Variants in DCC observed in about 807,000 individuals in gnomAD.
DCC encodes the protein DCC netrin 1 receptor.
Under a neutral mutation model 172.5 loss-of-function variants are expected in DCC, and 58 were observed. The observed-to-expected ratio is 0.34, with a 90% CI of 0.27 to 0.42. The LOEUF (loss-of-function observed/expected upper bound fraction) is 0.42. Ranked by LOEUF, DCC falls within the 10% of genes least tolerant of loss-of-function variation. The probability of loss-of-function intolerance (pLI) is 1.00; values close to 1 mark genes in which losing one functional copy is unlikely to be tolerated. For missense variants in DCC, 1,740 were observed against 1,791.0 expected (o/e 0.97, Z 0.51); for synonymous variants, 709 against 644.5 (o/e 1.10, Z -1.52).
At chr18:53,093,057 A>G (rs2043036750) in intron 7 of DCC, among the ~76,000 whole-genome samples, 1 of 152,184 alleles carries the variant, frequency 6.6e-6, no homozygotes. Flanking sequence ...GATCACAGGC[A>G]GATGACTTGA....
chr18:53,411,671 G>C (rs949009707), intron 20 of DCC, among the ~76,000 whole-genome samples: 2 of 152,066 alleles, frequency 1.3e-5, no homozygotes, highest in Non-Finnish European at 2.9e-5. Flanking sequence ...TCAAAAGCTG[G>C]GTTTTGGTAG....
At chr18:52,688,232 G>T (rs2035873113) in intron 1 of DCC, among the ~76,000 whole-genome samples, 1 of 150,384 alleles carries the variant, frequency 6.6e-6, no homozygotes, top group Admixed American at 6.6e-5. Flanking sequence ...GTGTAGATGT[G>T]CTGTAGGCAC....
At position 52,835,625 on chromosome 18, in the gene DCC, A is replaced by C. The variant is rs535929628; in HGVS notation, c.413-70419A>C. ...AAAGAATCTTCACTTTAGCAAATTG[A>C]AATGGCTTCAGAGTAAATTCACTTA... is the stretch of plus-strand genomic sequence containing the variant. On this transcript the variant is annotated intron_variant, in intron 2 of 28. Coordinates refer to ENST00000442544, the MANE Select transcript of DCC (RefSeq NM_005215.4). 2.1e-3 allele frequency among the ~76,000 whole-genome samples: 325 copies of C among 152,336 alleles called. 2 individuals are homozygous for C. Among genetic ancestry groups the C allele is most frequent in the African/African-American group, 7.4e-3 (309 of 41,594 alleles).
intron 15 of DCC, among the ~76,000 whole-genome samples, chr18:53,351,476 A>ATACAGTG: frequency 4.4e-5 from 3 of 67,500 alleles, no homozygotes; most frequent in Admixed American, 1.5e-4. Flanking sequence ...GTATATATAT[A>ATACAGTG]TATATATATA....
intron 2 of DCC, among the ~76,000 whole-genome samples, chr18:52,880,847 T>C (rs2039475164): frequency 1.3e-5 from 2 of 152,294 alleles, no homozygotes; most frequent in African/African-American, 2.4e-5. Context: ...CTCTTTGTTA[T>C]ATTGATTTCC....
At chr18:52,629,629 A>G (rs2034636433) in intron 1 of DCC, among the ~76,000 whole-genome samples, 1 of 152,160 alleles carries the variant, frequency 6.6e-6, no homozygotes, top group Admixed American at 6.5e-5. Flanking sequence ...AGCCTGCCCA[A>G]TATGGTGAAA....
chr18:53,449,060 T>C (rs746931632), intron 22 of DCC, among the ~76,000 whole-genome samples: 1 of 152,230 alleles, frequency 6.6e-6, no homozygotes. Flanking sequence ...TTACATTCTT[T>C]ATACAGATGG....
chr18:53,494,324 T>C (rs1238317554), intron 26 of DCC, among the ~76,000 whole-genome samples: 1 of 151,352 alleles, frequency 6.6e-6, no homozygotes, highest in East Asian at 1.9e-4. Context: ...GAGGGTTGTG[T>C]GGGTGTCTGT....
chr18:52,488,928 A>G (rs1230247628), intron 1 of DCC, among the ~76,000 whole-genome samples: 2 of 152,070 alleles, frequency 1.3e-5, no homozygotes, highest in Admixed American at 6.6e-5. Context: ...ACATAACTTC[A>G]ACAAACCACC....
intron 18 of DCC, among the ~76,000 whole-genome samples, chr18:53,399,253 A>G (rs1301189745): frequency 6.6e-6 from 1 of 152,112 alleles, no homozygotes; most frequent in Non-Finnish European, 1.5e-5. Context: ...TACCATAGTA[A>G]TTATTTGACT....
At chr18:53,064,676 T>G (rs945665601) in intron 6 of DCC, among the ~76,000 whole-genome samples, 22 of 152,200 alleles carry the variant, frequency 1.4e-4, no homozygotes, top group African/African-American at 5.1e-4. Context: ...TACCACTTAT[T>G]ATTTTTCACT....
At chr18:53,281,936 C>T (rs1480956758) in intron 12 of DCC, among the ~76,000 whole-genome samples, 1 of 152,040 alleles carries the variant, frequency 6.6e-6, no homozygotes, top group Non-Finnish European at 1.5e-5. Context: ...AGTGAGAGAT[C>T]TTGGAGAATT....
chr18:53,510,228 C>T (rs2144525785), intron 27 of DCC, among the ~76,000 whole-genome samples: 1 of 152,224 alleles, frequency 6.6e-6, no homozygotes, highest in South Asian at 2.1e-4. Flanking sequence ...CACACATTTC[C>T]CCAAACATGA....
At chr18:52,367,945 TGTTTGGAGGG>T (rs1984952064) in intron 1 of DCC, among the ~76,000 whole-genome samples, 1 of 152,198 alleles carries the variant, frequency 6.6e-6, no homozygotes, top group South Asian at 2.1e-4. Flanking sequence ...GCTTCCTTTT[TGTTTGGAGGG>T]GTTGTTCCAG....
chr18:53,145,042 C>T (rs1221094032), intron 7 of DCC, among the ~76,000 whole-genome samples: 1 of 151,242 alleles, frequency 6.6e-6, no homozygotes, highest in East Asian at 1.9e-4. Flanking sequence ...GAAACTTAAT[C>T]CCCATTGTGG....
intron 5 of DCC, among the ~76,000 whole-genome samples, chr18:52,928,382 T>C (rs2040251895): frequency 2.0e-5 from 3 of 152,098 alleles, no homozygotes; most frequent in Admixed American, 2.0e-4. Context: ...CAAGCCCCAG[T>C]GAGATGCAAC....
At chr18:53,357,070 C>T (rs1397618403) in intron 15 of DCC, among the ~76,000 whole-genome samples, 1 of 152,166 alleles carries the variant, frequency 6.6e-6, no homozygotes, top group African/African-American at 2.4e-5. Context: ...GATACATCCA[C>T]TCCCTATTAA....
At chr18:52,959,600 C>A (rs2040807520) in intron 5 of DCC, among the ~76,000 whole-genome samples, 1 of 151,866 alleles carries the variant, frequency 6.6e-6, no homozygotes, top group Non-Finnish European at 1.5e-5. Flanking sequence ...CATTCCCAAA[C>A]TTAAGTTTAT....
intron 12 of DCC, among the ~76,000 whole-genome samples, chr18:53,265,600 C>T (rs749667942): frequency 4.6e-5 from 7 of 152,162 alleles, no homozygotes; most frequent in Non-Finnish European, 1.0e-4. Flanking sequence ...GTTTCCTTGA[C>T]CTTTCAATAT....
Sources: gnomAD v4.1 joint callset for allele counts (sites outside exome capture counted in the v4.1 genomes callset) on GRCh38, gnomAD v4.1.1 for gene constraint, MANE v1.5 for transcripts, NCBI Gene and HGNC (gene_info 2026-07-23, HGNC 2026-07-21) for gene names.